Variants in CDC23 observed in about 807,000 individuals in gnomAD.
CDC23 encodes cell division cycle protein 23 homolog.
A neutral mutation model predicts 81.7 loss-of-function variants in CDC23; 26 were observed. The observed-to-expected ratio is 0.32, with a 90% CI of 0.23 to 0.44. The LOEUF is 0.44. CDC23 is among the 20% of genes least tolerant of loss of function. CDC23 has a pLI of 1.00. For missense variants in CDC23, 519 were observed against 728.0 expected (o/e 0.71, Z 3.30); for synonymous variants, 267 against 270.8 (o/e 0.99, Z 0.14).
At chr5:138,202,045 G>T in intron 4 of CDC23, 68 bp downstream of exon 4, 3 of 1,072,516 alleles carry the variant, frequency 2.8e-6, no homozygotes, top group Admixed American at 2.0e-5. Context: ...TACCTGCCTG[G>T]CTGTTGGAGG....
At chr5:138,204,388 C>T (rs1369379481) in intron 3 of CDC23, among the ~76,000 whole-genome samples, 1 of 151,510 alleles carries the variant, frequency 6.6e-6, no homozygotes, top group Non-Finnish European at 1.5e-5. Context: ...ACCTGTAGTC[C>T]CAGCTACTTG....
rs1314197876 is a variant in CDC23, at chr5:138,198,102, G to GGCAC, written c.1012+93_1012+96dup. ...AGTCTCCTGAGTAGAGGAAACTAAA[G>GGCAC]GCACGCACCACCATCCCTAGCTAAT... On this transcript the variant is annotated intron_variant, in intron 9 of 15. Transcript: ENST00000394886. 90 of 914,748 alleles carry GGCAC rather than the reference G, an allele frequency of 9.8e-5. No homozygotes were observed. In the African/African-American group the frequency reaches 1.3e-3, roughly 14 times the overall value. The allele number at this position is 914,748 out of a possible 1,614,324, so 56.7% of individuals were successfully genotyped here.
rs1754881804 is a variant in CDC23, at chr5:138,195,590, A to AATATATTT, written c.1012+2608_1012+2609insAAATATAT. Among the ~76,000 whole-genome samples the AATATATTT allele has an allele frequency of 1.2e-4, 7 of 58,580 alleles. No homozygotes were observed. In the Middle Eastern group the frequency reaches 0.023, roughly 196 times the overall value. The allele number at this position is 58,580 out of a possible 152,430, so 38.4% of individuals were successfully genotyped here. A position where few individuals can be genotyped will look rare whatever the true frequency, so the allele number is the denominator to read the frequency against. ...TATTTATATATAATATATTATATAT[A>AATATATTT]ATATATATTATATATGATATATTTA... On this transcript the variant is annotated intron_variant, in intron 9 of 15. Coordinates refer to ENST00000394886, the MANE Select transcript of CDC23 (RefSeq NM_004661.4).
chr5:138,190,466 GAAA>G (rs79994187), intron 13 of CDC23, among the ~76,000 whole-genome samples: 1 of 61,886 alleles, frequency 1.6e-5, no homozygotes, highest in Admixed American at 1.6e-4. Context: ...TCCAAAAAAA[GAAA>G]AAAAAAAAAA....
rs879009527 is a variant in CDC23, at chr5:138,188,699, CAA to C, written c.*277_*278del. The C allele has an allele frequency of 2.7e-3, 578 of 216,808 alleles. No individual in the cohort carries two copies. The highest frequency in any genetic ancestry group is 7.0e-3 in the Middle Eastern group (5 of 712). 13.4% of individuals were successfully genotyped at this position (216,808 alleles called of 1,614,324 possible). ...CTATAAAAGGGACTTTCTTGGGGGCCAAAAAAAAAAAGCATTCAGGGAAGAAG... is the reference window on the plus strand; with the variant it reads ...CTATAAAAGGGACTTTCTTGGGGGCCAAAAAAAAAGCATTCAGGGAAGAAG... On this transcript the variant is annotated 3_prime_UTR_variant, in exon 16 of 16. Transcript: ENST00000394886.
At chr5:138,195,747 GTATATATATACATATATTATA>G (rs1754893292) in intron 9 of CDC23, among the ~76,000 whole-genome samples, 1 of 106,780 alleles carries the variant, frequency 9.4e-6, no homozygotes, top group Admixed American at 1.3e-4. Flanking sequence ...TAATATATAT[GTATATATATACATATATTATA>G]TATGTGTATA....
chr5:138,190,467 A>G (rs934793406), intron 13 of CDC23, among the ~76,000 whole-genome samples: 3 of 135,244 alleles, frequency 2.2e-5, no homozygotes, highest in African/African-American at 8.0e-5. Flanking sequence ...CCAAAAAAAG[A>G]AAAAAAAAAA....
In CDC23 at chr5:138,198,184, G is replaced by A. The variant is rs766726495; in HGVS notation, c.1012+15C>T. On this transcript the variant is annotated intron_variant, in intron 9 of 15. Coordinates refer to ENST00000394886, the MANE Select transcript of CDC23 (RefSeq NM_004661.4). The stretch of plus-strand genomic sequence containing the variant: ...AAATATAAATCTTAAAAGAAAAAAT[G>A]TAGTTAATTCTTACCAATTACACAG... The A allele has an allele frequency of 3.9e-6, 6 of 1,550,856 alleles. No homozygotes were observed. The Admixed American group carries it at 1.0e-4, about 26-fold the overall frequency.
intron 9 of CDC23, among the ~76,000 whole-genome samples, chr5:138,196,199 GA>G (rs1030249208): frequency 2.7e-5 from 4 of 149,568 alleles, no homozygotes; most frequent in African/African-American, 9.8e-5. Flanking sequence ...ATATATTAAG[GA>G]AAAAAAACAC....
Position 138,206,559 on chromosome 5 carries a change from A to T in CDC23, c.360T>A (p.Tyr120Ter). ...AAATGGCCCTCACCAGATATCTGGA[A>T]TACATATACAGAAAATAGGCTTTCT... is the stretch of plus-strand genomic sequence containing the variant. ...NSKKAYFLYM[Y>*]SRYLSGEKKK... is the part of the protein sequence containing the mutation. Residue 120 changes from tyrosine to a stop codon, truncating the protein, a stop_gained, in exon 3 of 16, where the codon TAT (tyrosine) becomes TAA (stop). Coordinates refer to ENST00000394886, the MANE Select transcript of CDC23 (RefSeq NM_004661.4). LOFTEE classifies it high-confidence loss of function. The T allele has an allele frequency of 6.2e-7, 1 of 1,614,192 alleles. No homozygotes were observed. The highest frequency in any genetic ancestry group is 8.5e-7 in the Non-Finnish European group (1 of 1,180,006).
At chr5:138,198,303 T>C (rs377161370) in intron 8 of CDC23, 23 bp from the exon 9 acceptor site, 107 of 1,604,100 alleles carry the variant, frequency 6.7e-5, no homozygotes, top group Middle Eastern at 1.7e-4. Flanking sequence ...AAAAAGACAA[T>C]ATAAGCATGA....
intron 2 of CDC23, among the ~76,000 whole-genome samples, chr5:138,207,927 CA>C (rs1238471810): frequency 2.9e-5 from 4 of 138,082 alleles, no homozygotes; most frequent in Middle Eastern, 3.6e-3. Context: ...GACTCTGTCT[CA>C]AAAAAAAAAC....
chr5:138,204,504 CAAA>C (rs200166996), intron 3 of CDC23, among the ~76,000 whole-genome samples: 11 of 106,118 alleles, frequency 1.0e-4, no homozygotes, highest in Non-Finnish European at 7.6e-5. Flanking sequence ...GACTCCATTT[CAAA>C]AAAAAAAAAA....
Position 138,198,470 on chromosome 5 carries a change from T to C in CDC23, c.886A>G (p.Arg296Gly). The change falls in exon 8 of 16, where the codon AGG becomes GGG. Residue 296 changes from arginine to glycine, a missense_variant. Arg to Gly is a moderately radical substitution (Grantham distance 125). Around this residue, in one of 4 missense-constraint regions of CDC23, gnomAD observed 180 missense variants for 239.3 expected, o/e 0.75. Transcript: ENST00000394886. Reference sequence around the variant, plus strand: ...GAGAATGTGTCCATATTTTCAATCCTGTAAGGGTCTTGTTTCCTTAGCTCA... The same window carrying C: ...GAGAATGTGTCCATATTTTCAATCCCGTAAGGGTCTTGTTTCCTTAGCTCA... ...FNELRKQDPY[R>G]IENMDTFSNL... 2.5e-6 allele frequency: 4 copies of C among 1,614,188 alleles called. No homozygotes were observed. Among genetic ancestry groups the C allele is most frequent in the Non-Finnish European group, 3.4e-6 (4 of 1,180,032 alleles).
chr5:138,189,107 C>T lies in CDC23; in HGVS notation c.1665G>A (p.Gln555=). 6.2e-7 allele frequency: 1 copy of T among 1,614,088 alleles called. No homozygotes were observed. The highest frequency in any genetic ancestry group is 8.5e-7 in the Non-Finnish European group (1 of 1,179,984). ...TAGGAGTCTCGCCTTGGTTCCGAAGCTGTAGGATTTGCCGGAGTAAGGCCT... is the reference window on the plus strand; with the variant it reads ...TAGGAGTCTCGCCTTGGTTCCGAAGTTGTAGGATTTGCCGGAGTAAGGCCT... The part of the protein sequence containing the change: ...EGKALLRQIL[Q]LRNQGETPTT... The change falls in exon 16 of 16, where the codon CAG becomes CAA. Residue 555 remains glutamine (Q), a synonymous_variant. Transcript: ENST00000394886.
chr5:138,192,112 T>C (rs1754833386), intron 11 of CDC23, 157 bp downstream of exon 11: 3 of 982,656 alleles, frequency 3.1e-6, no homozygotes, highest in Non-Finnish European at 4.5e-6. Flanking sequence ...TAGTGAAATA[T>C]ACTAAATGAA....
At chr5:138,212,876 C>T in intron 2 of CDC23, 115 bp downstream of exon 2, 2 of 786,300 alleles carry the variant, frequency 2.5e-6, no homozygotes, top group Non-Finnish European at 4.3e-6. Context: ...GCCTGAATTC[C>T]CTCTACAAAC....
intron 2 of CDC23, among the ~76,000 whole-genome samples, chr5:138,207,540 G>A (rs1008514297): frequency 1.3e-5 from 2 of 152,018 alleles, no homozygotes; most frequent in African/African-American, 4.8e-5. Context: ...TGCAATGTAC[G>A]TGCAATTACT....
At chr5:138,207,762 C>T (rs1352637472) in intron 2 of CDC23, among the ~76,000 whole-genome samples, 2 of 151,984 alleles carry the variant, frequency 1.3e-5, no homozygotes, top group African/African-American at 4.8e-5. Flanking sequence ...TCAGGACCGG[C>T]CTGGGCAACG....
Sources: allele counts gnomAD v4.1 joint callset (sites outside exome capture counted in the v4.1 genomes callset), GRCh38; gene constraint gnomAD v4.1.1; regional missense constraint gnomAD v4.1.1; transcripts MANE v1.5; gene names NCBI Gene and HGNC (gene_info 2026-07-23, HGNC 2026-07-21).